TTI1: variants seen among roughly 807,000 people sequenced by gnomAD.
TTI1 encodes TELO2 interacting protein 1.
A neutral mutation model predicts 85.4 loss-of-function variants in TTI1; 52 were observed. The ratio of observed to expected loss-of-function variants is 0.61; its 90% CI spans 0.49 to 0.77. TTI1 has a LOEUF of 0.77. Among genes scored for constraint, TTI1 ranks in the 30% least tolerant of loss-of-function variants. The pLI is 0.00. For missense variants in TTI1, 1,173 were observed against 1,296.0 expected, an observed-to-expected ratio of 0.91 and a Z score of 1.46; for synonymous variants, 512 against 503.9, an observed-to-expected ratio of 1.02 and a Z score of -0.22.
intron 2 of TTI1, among the ~76,000 whole-genome samples, chr20:38,008,623 G>A (rs2073536066): frequency 6.6e-6 from 1 of 152,150 alleles, no homozygotes; most frequent in Admixed American, 6.5e-5. Flanking sequence ...GTCACTGCAT[G>A]TGACACACTA....
intron 7 of TTI1, among the ~76,000 whole-genome samples, chr20:37,993,599 G>A (rs1288596747): frequency 6.6e-6 from 1 of 152,160 alleles, no homozygotes; most frequent in Non-Finnish European, 1.5e-5. Context: ...CCACAGACAT[G>A]GCTGTTCTAC....
At position 38,013,476 on chromosome 20, in the gene TTI1, G is replaced by C. The variant is rs772515363; in HGVS notation, c.341C>G (p.Ala114Gly). Residue 114 changes from alanine (A) to glycine (G), a missense_variant, in exon 2 of 8, where the codon GCT (alanine) becomes GGT (glycine). Physicochemically the swap from Ala to Gly is moderately conservative, Grantham distance 60. Coordinates refer to ENST00000373447, the MANE Select transcript of TTI1 (RefSeq NM_001303457.2). Reference sequence around the variant, plus strand: ...AGCCAATTTCAACTCCTCGGACACAGCCGCAGGTTTTTGGGAGCTGGGTGA... The same window carrying C: ...AGCCAATTTCAACTCCTCGGACACACCCGCAGGTTTTTGGGAGCTGGGTGA... The part of the protein sequence containing the change: ...LYSPSSQKPA[A>G]VSEELKLAVI... 5.6e-6 allele frequency: 9 copies of C among 1,613,928 alleles called. No homozygotes were observed. In the African/African-American group the frequency reaches 9.3e-5, roughly 17 times the overall value.
Position 38,012,527 on chromosome 20 carries a change from T to G in TTI1, c.1290A>C (p.Lys430Asn), listed in dbSNP as rs748625115. 20 of 1,614,194 alleles carry G rather than the reference T, an allele frequency of 1.2e-5. 2 individuals carry two copies. The highest frequency in any genetic ancestry group is 3.3e-4 in the Middle Eastern group (2 of 6,062). The change falls in exon 2 of 8, where the codon AAA (lysine) becomes AAC (asparagine). Residue 430 changes from lysine to asparagine, a missense_variant. By Grantham distance (94) the Lys-to-Asn change is moderately conservative. Transcript: ENST00000373447. ...NSVAHLQRLS[K>N]ALIQVLELDV... Reference sequence around the variant, plus strand: ...CTAGCTCTAGAACTTGGATGAGTGCTTTGGAAAGCCGCTGGAGATGGGCCA... The same window carrying G: ...CTAGCTCTAGAACTTGGATGAGTGCGTTGGAAAGCCGCTGGAGATGGGCCA...
At chr20:38,018,331 T>A (rs2073713980) in intron 1 of TTI1, among the ~76,000 whole-genome samples, 1 of 152,192 alleles carries the variant, frequency 6.6e-6, no homozygotes, top group African/African-American at 2.4e-5. Context: ...AACTACAGTA[T>A]CTATAATTAA....
intron 2 of TTI1, 51 bp from the exon 3 acceptor site, chr20:38,006,448 AGT>A: frequency 6.3e-7 from 1 of 1,594,368 alleles, no homozygotes; most frequent in Non-Finnish European, 8.6e-7. Context: ...AACAGGCATG[AGT>A]ACTTTATACA....
chr20:38,020,323 A>AAAAAAAAAAAT, intron 1 of TTI1, among the ~76,000 whole-genome samples: 1 of 50,388 alleles, frequency 2.0e-5, no homozygotes, highest in East Asian at 5.7e-4. Flanking sequence ...AAAAAAAAAA[A>AAAAAAAAAAAT]ATATATATAT....
intron 1 of TTI1, among the ~76,000 whole-genome samples, chr20:38,015,076 C>T (rs2073661677): frequency 6.6e-6 from 1 of 152,126 alleles, no homozygotes; most frequent in Non-Finnish European, 1.5e-5. Flanking sequence ...TAAGAAAGTG[C>T]TTGTGCTGCT....
intron 6 of TTI1, 138 bp downstream of exon 6, chr20:37,996,611 G>C (rs779344656): frequency 1.9e-5 from 26 of 1,383,748 alleles, no homozygotes; most frequent in Non-Finnish European, 2.5e-5. Flanking sequence ...CAAGATAAAT[G>C]GACAAATGAG....
At chr20:38,030,336 A>G in intron 1 of TTI1, among the ~76,000 whole-genome samples, 1 of 152,118 alleles carries the variant, frequency 6.6e-6, no homozygotes, top group East Asian at 1.9e-4. Context: ...TTAATGAAGA[A>G]TTAACACCAA....
Position 38,028,101 on chromosome 20 carries a change from T to C in TTI1, c.-42+5303A>G, listed in dbSNP as rs530689897. Among the ~76,000 whole-genome samples, 208 of 152,278 alleles carry C rather than the reference T, an allele frequency of 1.4e-3. 4 individuals carry two copies. The South Asian group carries it at 0.041, about 30-fold the overall frequency. On this transcript the variant is annotated intron_variant, in intron 1 of 7. Coordinates refer to ENST00000373447, the MANE Select transcript of TTI1 (RefSeq NM_001303457.2). ...AGATGGCCGCAGTTCAAATCTGTGTTGTTCAAGGGTCTACTGTATTTTCAA... is the reference window on the plus strand; with the variant it reads ...AGATGGCCGCAGTTCAAATCTGTGTCGTTCAAGGGTCTACTGTATTTTCAA...
chr20:37,996,904 A>G lies in TTI1; in HGVS notation c.2843T>C (p.Phe948Ser). The G allele has an allele frequency of 6.2e-7, 1 of 1,614,166 alleles. No individual in the cohort carries two copies. Among genetic ancestry groups the G allele is most frequent in the African/African-American group, 1.3e-5 (1 of 75,044 alleles). Reference protein sequence around the residue: ...SKCGDFLRSRFCKDVLPKLAG... With the variant: ...SKCGDFLRSRSCKDVLPKLAG... ...CAGCTTTGGCAGGACATCTTTGCAGAACCGGCTGCGAAGAAAGTCACCACA... is the reference window on the plus strand; with the variant it reads ...CAGCTTTGGCAGGACATCTTTGCAGGACCGGCTGCGAAGAAAGTCACCACA... The change falls in exon 6 of 8, where the codon TTC (phenylalanine) becomes TCC (serine). Residue 948 changes from phenylalanine to serine, a missense_variant. Physicochemically the swap from Phe to Ser is radical, Grantham distance 155. Coordinates refer to ENST00000373447, the MANE Select transcript of TTI1 (RefSeq NM_001303457.2).
rs761529631 is a variant in TTI1 at position 38,011,600 on chromosome 20, T to C, written c.2217A>G (p.Gln739=). ...NLLPLVADVV[Q]DVLATLDQFY... is the part of the protein sequence containing the mutation. ...ATTGGTCCAGGGTGGCCAAGACATC[T>C]TGAACCACATCTGCCACCAAAGGAA... The change falls in exon 2 of 8, where the codon CAA becomes CAG. Residue 739 remains glutamine, a synonymous_variant. Coordinates refer to ENST00000373447, the MANE Select transcript of TTI1 (RefSeq NM_001303457.2). 3.1e-6 allele frequency: 5 copies of C among 1,614,224 alleles called. No individual in the cohort carries two copies. The highest frequency in any genetic ancestry group is 3.4e-6 in the Non-Finnish European group (4 of 1,180,032).
chr20:38,020,323 A>AAAAAAAATAT lies in TTI1; in HGVS notation c.-41-6467_-41-6466insATATTTTTTT. Among the ~76,000 whole-genome samples, 46 of 50,374 alleles carry AAAAAAAATAT rather than the reference A, an allele frequency of 9.1e-4. 1 individual carries two copies. The highest frequency in any genetic ancestry group is 1.1e-3 in the Admixed American group (5 of 4,662). The allele number at this position is 50,374 out of a possible 152,430, so 33.0% of individuals were successfully genotyped here. A position where few individuals can be genotyped will look rare whatever the true frequency, so the allele number is the denominator to read the frequency against. On this transcript the variant is annotated intron_variant, in intron 1 of 7. Coordinates refer to ENST00000373447, the MANE Select transcript of TTI1 (RefSeq NM_001303457.2). Reference sequence around the variant, plus strand: ...GGCTACTCATATGAAAAAAAAAAAAAATATATATATATATATATATATATA... The same window carrying AAAAAAAATAT: ...GGCTACTCATATGAAAAAAAAAAAAAAAAAAAATATATATATATATATATATATATATATA...
At position 37,988,637 on chromosome 20, in the gene TTI1, T is replaced by A. The variant is rs74848636; in HGVS notation, c.3087-4998A>T. The stretch of plus-strand genomic sequence containing the variant: ...TGCTCTCATGAGCCATCAGGGTAAA[T>A]GCCAGTGGTAAAGAACATGTGGCTT... On this transcript the variant is annotated intron_variant, in intron 7 of 7. Transcript: ENST00000373447. 4.9e-3 allele frequency among the ~76,000 whole-genome samples: 753 copies of A among 152,318 alleles called. 3 individuals are homozygous for A. The highest frequency in any genetic ancestry group is 8.0e-3 in the Non-Finnish European group (545 of 68,028).
At chr20:38,031,892 T>C (rs2073912751) in intron 1 of TTI1, among the ~76,000 whole-genome samples, 1 of 152,214 alleles carries the variant, frequency 6.6e-6, no homozygotes, top group South Asian at 2.1e-4. Context: ...GATGTAAGAA[T>C]TAAATTTAAA....
At chr20:37,996,718 G>A (rs1325635902) in intron 6 of TTI1, 31 bp downstream of exon 6, 2 of 1,580,250 alleles carry the variant, frequency 1.3e-6, no homozygotes, top group East Asian at 2.3e-5. Flanking sequence ...TGCTAAGTGT[G>A]TGTGTTCAGG....
intron 1 of TTI1, among the ~76,000 whole-genome samples, chr20:38,032,464 T>C (rs1037398808): frequency 1.3e-5 from 2 of 152,220 alleles, no homozygotes; most frequent in African/African-American, 2.4e-5. Context: ...CTCTTATGTC[T>C]ATAACTTAAC....
intron 7 of TTI1, among the ~76,000 whole-genome samples, chr20:37,984,229 C>T (rs1473164395): frequency 6.6e-6 from 1 of 152,234 alleles, no homozygotes; most frequent in Non-Finnish European, 1.5e-5. Flanking sequence ...GGATCAGATC[C>T]ACAGAATATG....
chr20:38,019,154 A>G (rs1429329805), intron 1 of TTI1: 3 of 152,106 alleles, frequency 2.0e-5, no homozygotes, highest in African/African-American at 7.2e-5. Context: ...TCTAAAAAAA[A>G]AAAAAAACAA....
Sources: allele counts gnomAD v4.1 joint callset (sites outside exome capture counted in the v4.1 genomes callset), GRCh38; gene constraint gnomAD v4.1.1; transcripts MANE v1.5; gene names NCBI Gene and HGNC (gene_info 2026-07-23, HGNC 2026-07-21).